MCOLN3: variants seen among roughly 807,000 people sequenced by gnomAD.
MCOLN3 encodes mucolipin TRP cation channel 3.
Under a neutral mutation model 69.4 loss-of-function variants are expected in MCOLN3, and 62 were observed. The observed-to-expected ratio is 0.89, with a 90% CI of 0.73 to 1.10. MCOLN3 has a LOEUF of 1.10. Among genes scored for constraint, MCOLN3 ranks in the 50% least tolerant of loss-of-function variants. MCOLN3 has a pLI of 0.00. For synonymous variants in MCOLN3, 183 were observed against 217.0 expected, an observed-to-expected ratio of 0.84 and a Z score of 1.38; for missense variants, 564 against 656.4, an observed-to-expected ratio of 0.86 and a Z score of 1.54.
chr1:85,022,255 T>C (rs1192607979), intron 10 of MCOLN3, 44 bp downstream of exon 10: 1 of 1,613,764 alleles, frequency 6.2e-7, no homozygotes, highest in Non-Finnish European at 8.5e-7. Context: ...TGCAATAACT[T>C]TGAGAGAAAT....
chr1:85,036,491 T>C (rs1652809252), intron 3 of MCOLN3, among the ~76,000 whole-genome samples: 1 of 152,184 alleles, frequency 6.6e-6, no homozygotes, highest in South Asian at 2.1e-4. Context: ...ACCCAACCAA[T>C]AGATACTATT....
intron 9 of MCOLN3, among the ~76,000 whole-genome samples, chr1:85,024,168 AC>A (rs992760305): frequency 6.6e-6 from 1 of 152,190 alleles, no homozygotes; most frequent in African/African-American, 2.4e-5. Context: ...CTTAAAAAAA[AC>A]AGGTGGGGGA....
chr1:85,046,259 G>A (rs1459966944), intron 1 of MCOLN3, among the ~76,000 whole-genome samples: 2 of 151,182 alleles, frequency 1.3e-5, no homozygotes, highest in Non-Finnish European at 2.9e-5. Context: ...ACTTTTTATT[G>A]AAGGCCTTAT....
At chr1:85,024,116 G>A (rs982775051) in intron 9 of MCOLN3, among the ~76,000 whole-genome samples, 5 of 151,480 alleles carry the variant, frequency 3.3e-5, no homozygotes, top group Admixed American at 1.3e-4. Flanking sequence ...CTATAATCGC[G>A]CCACTGCACT....
rs773509709 is a variant in MCOLN3 at position 85,034,256 on chromosome 1, A to G, written c.397-5T>C. 8.1e-6 allele frequency: 13 copies of G among 1,613,844 alleles called. No homozygotes were observed. The highest frequency in any genetic ancestry group is 3.3e-5 in the Admixed American group (2 of 60,004). The stretch of plus-strand genomic sequence containing the variant: ...GACATTGTATAGCTGCAAGTACTTC[A>G]ACCAAAATGAGAAACAGAAAATGGG... On this transcript the variant is annotated splice_region_variant and splice_polypyrimidine_tract_variant and intron_variant, in intron 3 of 12. Transcript: ENST00000370589.
intron 6 of MCOLN3, among the ~76,000 whole-genome samples, chr1:85,031,601 T>C (rs1467738142): frequency 6.6e-6 from 1 of 152,142 alleles, no homozygotes; most frequent in African/African-American, 2.4e-5. Context: ...AAGCTGAAAG[T>C]GCAGACCTGC....
chr1:85,020,763 T>G (rs1651887768), intron 12 of MCOLN3, among the ~76,000 whole-genome samples: 1 of 152,234 alleles, frequency 6.6e-6, no homozygotes. Flanking sequence ...ACACAATATC[T>G]ACTAACCCTT....
At chr1:85,025,851 C>A in intron 9 of MCOLN3, 88 bp downstream of exon 9, 1 of 1,290,844 alleles carries the variant, frequency 7.7e-7, no homozygotes, top group Non-Finnish European at 1.1e-6. Context: ...AGAAACAATT[C>A]ATTCTGAAAA....
In MCOLN3 at chr1:85,045,161, A is replaced by C; in HGVS notation, c.200T>G (p.Ile67Ser). The C allele has an allele frequency of 6.2e-7, 1 of 1,613,876 alleles. No homozygotes were observed. Among genetic ancestry groups the C allele is most frequent in the Non-Finnish European group, 8.5e-7 (1 of 1,179,962 alleles). Residue 67 changes from isoleucine (I) to serine (S), a missense_variant, in exon 2 of 13, where the codon ATT (isoleucine) becomes AGT (serine). By Grantham distance (142) the Ile-to-Ser change is moderately radical (BLOSUM62 -2). Transcript: ENST00000370589. Reference protein sequence around the residue: ...GRKPWKLAIQILKIAMVTIQL... With the variant: ...GRKPWKLAIQSLKIAMVTIQL... ...GATAGTCACCATTGCAATTTTTAGAATTTGTATGGCAAGTTTCCATGGTTT... is the reference window on the plus strand; with the variant it reads ...GATAGTCACCATTGCAATTTTTAGACTTTGTATGGCAAGTTTCCATGGTTT...
At chr1:85,032,329 G>A (rs1167497473) in intron 6 of MCOLN3, among the ~76,000 whole-genome samples, 1 of 152,104 alleles carries the variant, frequency 6.6e-6, no homozygotes. Flanking sequence ...AAGAACCCTT[G>A]GCAGTAACCT....
intron 3 of MCOLN3, among the ~76,000 whole-genome samples, chr1:85,040,540 A>G (rs1653007597): frequency 6.6e-6 from 1 of 152,184 alleles, no homozygotes; most frequent in Non-Finnish European, 1.5e-5. Flanking sequence ...GCAGTTAGTC[A>G]ATGTCACAAT....
At chr1:85,047,878 A>G (rs535489843) in intron 1 of MCOLN3, among the ~76,000 whole-genome samples, 43 of 152,278 alleles carry the variant, frequency 2.8e-4, no homozygotes, top group Non-Finnish European at 5.6e-4. Flanking sequence ...TGGAGCTCAG[A>G]CGGCCGCAGC....
rs1653281513 is a variant in MCOLN3 at position 85,045,177 on chromosome 1, T to C, written c.184A>G (p.Lys62Glu). The C allele has an allele frequency of 6.2e-7, 1 of 1,613,918 alleles. No individual in the cohort carries two copies. Among genetic ancestry groups the C allele is most frequent in the African/African-American group, 1.3e-5 (1 of 74,920 alleles). Reference sequence around the variant, plus strand: ...ATTTTTAGAATTTGTATGGCAAGTTTCCATGGTTTTCTACCTCGAGCCCAG... The same window carrying C: ...ATTTTTAGAATTTGTATGGCAAGTTCCCATGGTTTTCTACCTCGAGCCCAG... Reference protein sequence around the residue: ...KFWARGRKPWKLAIQILKIAM... With the variant: ...KFWARGRKPWELAIQILKIAM... The change falls in exon 2 of 13, where the codon AAA becomes GAA. Residue 62 changes from lysine to glutamate, a missense_variant. Lys to Glu is a moderately conservative substitution (Grantham distance 56, BLOSUM62 1). Coordinates refer to ENST00000370589, the MANE Select transcript of MCOLN3 (RefSeq NM_018298.11).
At chr1:85,041,271 G>A in intron 2 of MCOLN3, 94 bp from the exon 3 acceptor site, 4 of 989,628 alleles carry the variant, frequency 4.0e-6, no homozygotes, top group Non-Finnish European at 5.7e-6. Flanking sequence ...AAATAGAAGA[G>A]TTTAAAATGA....
intron 6 of MCOLN3, chr1:85,029,427 A>T: frequency 2.2e-6 from 1 of 463,074 alleles, no homozygotes; most frequent in South Asian, 2.8e-5. Context: ...TCTCTAAAAC[A>T]TTATATGTCT....
intron 7 of MCOLN3, among the ~76,000 whole-genome samples, 170 bp downstream of exon 7, chr1:85,028,936 G>C (rs974713927): frequency 6.6e-6 from 1 of 152,110 alleles, no homozygotes; most frequent in African/African-American, 2.4e-5. Flanking sequence ...AGTTATTCAT[G>C]ACTCACATAT....
chr1:85,045,248 A>T lies in MCOLN3; in HGVS notation c.113T>A (p.Met38Lys), dbSNP rs371704762. 3 of 1,614,152 alleles carry T rather than the reference A, an allele frequency of 1.9e-6. No homozygotes were observed. Among genetic ancestry groups the T allele is most frequent in the Admixed American group, 1.7e-5 (1 of 60,028 alleles). The change falls in exon 2 of 13, where the codon ATG (methionine) becomes AAG (lysine). Residue 38 changes from methionine (M) to lysine (K), a missense_variant. Met to Lys is a moderately conservative substitution (Grantham distance 95). Transcript: ENST00000370589. ...GAAAAAAAATTTGAGTTTTCGCCTC[A>T]TCTGGTCTTCTAATAGAAGCTCCTC... is the stretch of plus-strand genomic sequence containing the variant. ...PSEELLLEDQ[M>K]RRKLKFFFMN... is the part of the protein sequence containing the mutation.
intron 2 of MCOLN3, among the ~76,000 whole-genome samples, chr1:85,041,811 T>C (rs186106986): frequency 3.9e-4 from 54 of 139,294 alleles, no homozygotes; most frequent in Non-Finnish European, 6.9e-4. Flanking sequence ...CAGAGGTTGC[T>C]ATGAGCTGAG....
intron 3 of MCOLN3, among the ~76,000 whole-genome samples, chr1:85,039,918 T>TGCAGCCTGGGTGACAGAGTG (rs1652979305): frequency 6.6e-6 from 1 of 150,634 alleles, no homozygotes; most frequent in Non-Finnish European, 1.5e-5. Context: ...ACCACTGCAC[T>TGCAGCCTGGGTGACAGAGTG]GCAGCCTGGG....
Sources: gnomAD v4.1 joint callset for allele counts (sites outside exome capture counted in the v4.1 genomes callset) on GRCh38, gnomAD v4.1.1 for gene constraint, MANE v1.5 for transcripts, NCBI Gene and HGNC (gene_info 2026-07-23, HGNC 2026-07-21) for gene names.